The following PPIL6 variants were observed in gnomAD, a reference collection of about 807,000 sequenced individuals.
The protein encoded by PPIL6 is peptidylprolyl isomerase like 6.
PPIL6 carries 39 observed loss-of-function variants against 36.8 expected under a neutral mutation model. That is an observed-to-expected ratio of 1.06 (90% CI 0.82 to 1.38). The LOEUF (loss-of-function observed/expected upper bound fraction) is 1.38. PPIL6 is among the 40% of genes most tolerant of loss of function. The pLI is 0.00. For missense variants in PPIL6, 368 were observed against 379.1 expected, an observed-to-expected ratio of 0.97 and a Z score of 0.24; for synonymous variants, 123 against 134.1, an observed-to-expected ratio of 0.92 and a Z score of 0.57.
chr6:109,438,957 C>T (rs1774617131), intron 1 of PPIL6, among the ~76,000 whole-genome samples: 1 of 152,196 alleles, frequency 6.6e-6, no homozygotes, highest in Admixed American at 6.5e-5. Context: ...AGTCAAATTT[C>T]GTGTCCATAA....
chr6:109,436,757 A>C (rs1214092270), intron 1 of PPIL6, among the ~76,000 whole-genome samples: 2 of 152,096 alleles, frequency 1.3e-5, no homozygotes, highest in East Asian at 1.9e-4. Context: ...CAAAACAAAA[A>C]AAACTCTGTC....
At chr6:109,420,353 A>AG (rs1369345001) in intron 5 of PPIL6, among the ~76,000 whole-genome samples, 2 of 151,124 alleles carry the variant, frequency 1.3e-5, no homozygotes, top group African/African-American at 2.4e-5. Flanking sequence ...AAAAAAAAAA[A>AG]AAAAAAAAAG....
chr6:109,410,498 C>T (rs949934933), intron 6 of PPIL6, among the ~76,000 whole-genome samples: 1 of 152,162 alleles, frequency 6.6e-6, no homozygotes, highest in Non-Finnish European at 1.5e-5. Context: ...ACCTCACTAC[C>T]ATCCCCGCTG....
intron 5 of PPIL6, among the ~76,000 whole-genome samples, chr6:109,421,959 G>A (rs371345679): frequency 6.6e-6 from 1 of 152,084 alleles, no homozygotes; most frequent in Non-Finnish European, 1.5e-5. Context: ...TCACTGCAAC[G>A]GCCACCTCTC....
intron 6 of PPIL6, among the ~76,000 whole-genome samples, chr6:109,404,400 G>T (rs1460600421): frequency 6.6e-6 from 1 of 152,202 alleles, no homozygotes; most frequent in Admixed American, 6.5e-5. Flanking sequence ...GCAACGTGTT[G>T]CTGCAGACCC....
Position 109,413,911 on chromosome 6 carries a change from C to G in PPIL6, c.688+5276G>C, listed in dbSNP as rs1028607920. On this transcript the variant is annotated intron_variant, in intron 6 of 7. Coordinates refer to ENST00000521072, the MANE Select transcript of PPIL6 (RefSeq NM_173672.5). The surrounding 1 kb of genome is among the most constrained non-coding windows in gnomAD (Gnocchi z 4.6). ...TCATTTATTTGTGAGATCTAAAAAT[C>G]AAAACAAATAAAATCATGGAGACGA... Among the ~76,000 whole-genome samples the G allele has an allele frequency of 2.0e-5, 3 of 151,280 alleles. No individual in the cohort carries two copies. Among genetic ancestry groups the G allele is most frequent in the Non-Finnish European group, 2.9e-5 (2 of 67,864 alleles).
At chr6:109,418,790 C>T (rs1337163933) in intron 6 of PPIL6, among the ~76,000 whole-genome samples, 1 of 152,170 alleles carries the variant, frequency 6.6e-6, no homozygotes. Context: ...GATCCACCCA[C>T]CTCGGCCTCC....
chr6:109,411,813 T>C, intron 6 of PPIL6, among the ~76,000 whole-genome samples: 1 of 152,208 alleles, frequency 6.6e-6, no homozygotes, highest in African/African-American at 2.4e-5. Flanking sequence ...TATCCAGAGA[T>C]TTTTTTACTC....
intron 5 of PPIL6, among the ~76,000 whole-genome samples, chr6:109,425,271 C>T (rs1029302947): frequency 6.6e-6 from 1 of 152,180 alleles, no homozygotes; most frequent in African/African-American, 2.4e-5. Flanking sequence ...AACTTTTTCC[C>T]AAGCCGTCCT....
chr6:109,426,753 A>G (rs1773831944), intron 5 of PPIL6, 94 bp downstream of exon 5: 9 of 835,030 alleles, frequency 1.1e-5, no homozygotes, highest in Middle Eastern at 2.5e-4. Context: ...TTTTAAGTAT[A>G]TCTAATTCTA....
intron 6 of PPIL6, among the ~76,000 whole-genome samples, chr6:109,407,248 T>TC (rs1772836395): frequency 6.6e-6 from 1 of 152,028 alleles, no homozygotes; most frequent in African/African-American, 2.4e-5. Flanking sequence ...TTCTTTTTTT[T>TC]TTTTTTCTTG....
intron 1 of PPIL6, among the ~76,000 whole-genome samples, chr6:109,437,220 C>T (rs1774495852): frequency 6.6e-6 from 1 of 152,218 alleles, no homozygotes; most frequent in African/African-American, 2.4e-5. Context: ...TAACAGGCCT[C>T]TTTTCTGAGT....
intron 7 of PPIL6, among the ~76,000 whole-genome samples, chr6:109,394,134 G>A (rs1233408470): frequency 6.6e-6 from 1 of 152,066 alleles, no homozygotes; most frequent in Non-Finnish European, 1.5e-5. Context: ...ACTTTGGGAG[G>A]CCAAGGCAGC....
Position 109,391,667 on chromosome 6 carries a change from T to G in PPIL6, c.*1159A>C, listed in dbSNP as rs949240103. The G allele has an allele frequency of 6.6e-6, 1 of 152,214 alleles. No individual in the cohort carries two copies. The highest frequency in any genetic ancestry group is 1.5e-5 in the Non-Finnish European group (1 of 68,038). 9.4% of individuals were successfully genotyped at this position (152,214 alleles called of 1,614,324 possible). A position where few individuals can be genotyped will look rare whatever the true frequency, so the allele number is the denominator to read the frequency against. The stretch of plus-strand genomic sequence containing the variant: ...CATTTTAAAAGCTCCCCAGGTGATA[T>G]GAGCTTGAGAACTTTAGATTACAGA... On this transcript the variant is annotated 3_prime_UTR_variant, in exon 8 of 8. Coordinates refer to ENST00000521072, the MANE Select transcript of PPIL6 (RefSeq NM_173672.5).
At chr6:109,410,528 T>C (rs1396008531) in intron 6 of PPIL6, among the ~76,000 whole-genome samples, 2 of 152,146 alleles carry the variant, frequency 1.3e-5, no homozygotes, top group South Asian at 4.1e-4. Flanking sequence ...AATAGTGATC[T>C]TCAAATCCCA....
chr6:109,399,502 A>C (rs1416747630), intron 7 of PPIL6, among the ~76,000 whole-genome samples: 2 of 152,148 alleles, frequency 1.3e-5, no homozygotes, highest in East Asian at 3.8e-4. Flanking sequence ...TCCCAGGTTC[A>C]TGTGATTCTC....
Position 109,417,186 on chromosome 6 carries a change from G to GA in PPIL6, c.688+2000dup, listed in dbSNP as rs547054330. Among the ~76,000 whole-genome samples, 480 of 145,058 alleles carry GA rather than the reference G, an allele frequency of 3.3e-3. 11 individuals are homozygous for GA. In the East Asian group the frequency reaches 0.041, roughly 12 times the overall value. On this transcript the variant is annotated intron_variant, in intron 6 of 7. Transcript: ENST00000521072. ...TCCTGTCTCTTAAAAAAAAAAAAAAGAAAAAAAAAGGTAAAAGTATTTCAC... is the reference window on the plus strand; with the variant it reads ...TCCTGTCTCTTAAAAAAAAAAAAAAGAAAAAAAAAAGGTAAAAGTATTTCAC...
At chr6:109,433,636 T>A (rs1226549010) in intron 2 of PPIL6, among the ~76,000 whole-genome samples, 1 of 152,116 alleles carries the variant, frequency 6.6e-6, no homozygotes, top group East Asian at 1.9e-4. Flanking sequence ...CCACTTAGGG[T>A]GGCACTTCAT....
In PPIL6 at chr6:109,431,213, CA is replaced by C; in HGVS notation, c.363del (p.Ala122HisfsTer15). The C allele has an allele frequency of 6.2e-7, 1 of 1,613,922 alleles. No homozygotes were observed. Among genetic ancestry groups the C allele is most frequent in the Non-Finnish European group, 8.5e-7 (1 of 1,179,924 alleles). On this transcript the variant is annotated frameshift_variant, in exon 3 of 8. Coordinates refer to ENST00000521072, the MANE Select transcript of PPIL6 (RefSeq NM_173672.5). LOFTEE classifies it high-confidence loss of function. ...TCCTCAGTGAGTGCGTCATAAAGTGCAGAGGGTTTAATGTCAACTATATCCC... is the reference window on the plus strand; with the variant it reads ...TCCTCAGTGAGTGCGTCATAAAGTGCGAGGGTTTAATGTCAACTATATCCC... ...EVWDIVDIKP[S>X]ALYDALTEDF...
Sources: gnomAD v4.1 joint callset for allele counts (sites outside exome capture counted in the v4.1 genomes callset) on GRCh38, gnomAD v4.1.1 for gene constraint, Gnocchi (gnomAD v3.1) non-coding constraint, MANE v1.5 for transcripts, NCBI Gene and HGNC (gene_info 2026-07-23, HGNC 2026-07-21) for gene names.